The following SEMA3D variants were observed in gnomAD, a reference collection of about 807,000 sequenced individuals.
The protein encoded by SEMA3D is semaphorin 3D, also known as semaphorin-3D.
A neutral mutation model predicts 100.1 loss-of-function variants in SEMA3D; 84 were observed. That is an observed-to-expected ratio of 0.84 (90% CI 0.70 to 1.01). SEMA3D has a LOEUF of 1.01. SEMA3D is among the 50% of genes least tolerant of loss of function. The pLI is 0.00. For missense variants in SEMA3D, 875 were observed against 934.1 expected, an observed-to-expected ratio of 0.94 and a Z score of 0.82; for synonymous variants, 312 against 320.7, an observed-to-expected ratio of 0.97 and a Z score of 0.29.
At chr7:85,077,444 A>G (rs1562807957) in intron 5 of SEMA3D, among the ~76,000 whole-genome samples, 1 of 152,016 alleles carries the variant, frequency 6.6e-6, no homozygotes, top group African/African-American at 2.4e-5. Flanking sequence ...GTGTGTGTGT[A>G]TATATATTAT....
the SEMA3D span, among the ~76,000 whole-genome samples, chr7:85,225,053 TATATATATATATATATATATATATATA>T: frequency 5.8e-4 from 1 of 1,734 alleles, no homozygotes. Context: ...TTTTCTTTTA[TATATATATATATATATATATATATATA>T]TATATATATA....
At chr7:85,077,145 G>A (rs1415747031) in intron 5 of SEMA3D, among the ~76,000 whole-genome samples, 1 of 149,396 alleles carries the variant, frequency 6.7e-6, no homozygotes, top group Non-Finnish European at 1.5e-5. Flanking sequence ...TTAATAGATT[G>A]TTAATACTTC....
intron 2 of SEMA3D, among the ~76,000 whole-genome samples, chr7:85,126,808 A>AG: frequency 6.6e-6 from 1 of 152,240 alleles, no homozygotes; most frequent in Admixed American, 6.6e-5. Flanking sequence ...TTTATGTTAC[A>AG]GGGGGCTATT....
intron 5 of SEMA3D, among the ~76,000 whole-genome samples, chr7:85,080,172 T>G (rs1304964466): frequency 6.6e-6 from 1 of 152,210 alleles, no homozygotes; most frequent in Non-Finnish European, 1.5e-5. Flanking sequence ...TCATTTCAAC[T>G]ATTTTGCTTT....
intron 3 of SEMA3D, among the ~76,000 whole-genome samples, chr7:85,101,129 A>T (rs1788731026): frequency 6.6e-6 from 1 of 152,000 alleles, no homozygotes; most frequent in Non-Finnish European, 1.5e-5. Flanking sequence ...AGGTAAACAA[A>T]TATAATCTAA....
intron 9 of SEMA3D, among the ~76,000 whole-genome samples, chr7:85,045,197 CA>C (rs1360646508): frequency 6.6e-6 from 1 of 151,902 alleles, no homozygotes; most frequent in Non-Finnish European, 1.5e-5. Flanking sequence ...ATGGGTGGAA[CA>C]ATCCAGGACA....
chr7:85,087,266 C>T (rs1225291416), intron 4 of SEMA3D, among the ~76,000 whole-genome samples: 1 of 152,176 alleles, frequency 6.6e-6, no homozygotes. Flanking sequence ...ATTTTAATTG[C>T]TCTGAAATAT....
At chr7:85,231,435 CCT>C in the SEMA3D span, among the ~76,000 whole-genome samples, 1 of 137,858 alleles carries the variant, frequency 7.3e-6, no homozygotes, top group Non-Finnish European at 1.5e-5. Flanking sequence ...CCAATCTTTC[CCT>C]TTTTTTTTTT....
intron 5 of SEMA3D, among the ~76,000 whole-genome samples, chr7:85,078,297 G>A: frequency 6.6e-6 from 1 of 151,492 alleles, no homozygotes; most frequent in African/African-American, 2.4e-5. Context: ...AAGAAAAAAA[G>A]AAAGTGAGAG....
At chr7:85,173,705 T>G (rs1389043441) in intron 1 of SEMA3D, among the ~76,000 whole-genome samples, 1 of 152,174 alleles carries the variant, frequency 6.6e-6, no homozygotes, top group African/African-American at 2.4e-5. Context: ...TTTCCCTGTA[T>G]TAACCCATGT....
chr7:85,055,325 G>A (rs1791277583), intron 9 of SEMA3D, among the ~76,000 whole-genome samples: 1 of 151,812 alleles, frequency 6.6e-6, no homozygotes, highest in African/African-American at 2.4e-5. Context: ...AAGCTCCAGG[G>A]ATCAGGACAA....
rs572443813 is a variant in SEMA3D, at chr7:85,159,949, A to G, written c.-172-6210T>C. 1.4e-4 allele frequency: 142 copies of G among 984,994 alleles called. No homozygotes were observed. In the African/African-American group the frequency reaches 2.3e-3, roughly 16 times the overall value. The allele number at this position is 984,994 out of a possible 1,614,324, so 61.0% of individuals were successfully genotyped here. On this transcript the variant is annotated intron_variant, in intron 1 of 18. Coordinates refer to ENST00000284136, the MANE Select transcript of SEMA3D (RefSeq NM_001384900.1). ...TGACCAACTAGTGTTCAAGAAACACAAGCCATAAGTTCTACGGTAACTACT... is the reference window on the plus strand; with the variant it reads ...TGACCAACTAGTGTTCAAGAAACACGAGCCATAAGTTCTACGGTAACTACT...
At chr7:85,162,424 G>A (rs557932540) in intron 1 of SEMA3D, among the ~76,000 whole-genome samples, 12 of 152,268 alleles carry the variant, frequency 7.9e-5, no homozygotes, top group African/African-American at 1.9e-4. Flanking sequence ...AGCAGGTGAC[G>A]TAGATCAGGT....
intron 17 of SEMA3D, among the ~76,000 whole-genome samples, chr7:85,012,411 C>A (rs1789980152): frequency 6.6e-6 from 1 of 151,728 alleles, no homozygotes; most frequent in African/African-American, 2.4e-5. Flanking sequence ...TACACTTTTA[C>A]CAGACTTCTG....
At chr7:85,005,277 GTAAA>G (rs1367439739) in intron 18 of SEMA3D, among the ~76,000 whole-genome samples, 1 of 151,938 alleles carries the variant, frequency 6.6e-6, no homozygotes, top group African/African-American at 2.4e-5. Context: ...TTCTTGGATA[GTAAA>G]TAAATGCCTT....
chr7:85,097,790 T>C lies in SEMA3D; in HGVS notation c.312+15A>G, dbSNP rs761266787. On this transcript the variant is annotated intron_variant, in intron 4 of 18. Transcript: ENST00000284136. ...ATAAATGAATTTAACCAAATGTATATATAAATATACTGACCTTCTTAAAAT... is the reference window on the plus strand; with the variant it reads ...ATAAATGAATTTAACCAAATGTATACATAAATATACTGACCTTCTTAAAAT... The C allele has an allele frequency of 1.4e-6, 2 of 1,474,200 alleles. No individual in the cohort carries two copies. The highest frequency in any genetic ancestry group is 9.3e-7 in the Non-Finnish European group (1 of 1,074,124). The allele number at this position is 1,474,200 out of a possible 1,614,324, so 91.3% of individuals were successfully genotyped here.
intron 5 of SEMA3D, 106 bp downstream of exon 5, chr7:85,081,411 G>GA (rs1788060441): frequency 7.2e-6 from 5 of 691,302 alleles, no homozygotes; most frequent in Non-Finnish European, 1.0e-5. Context: ...AGTTTAGTCT[G>GA]AAAAATAATA....
chr7:85,037,746 C>G (rs1192149321), intron 11 of SEMA3D, among the ~76,000 whole-genome samples: 1 of 151,876 alleles, frequency 6.6e-6, no homozygotes, highest in African/African-American at 2.4e-5. Flanking sequence ...CAAAAAACTC[C>G]AAAGGAATTT....
the SEMA3D span, among the ~76,000 whole-genome samples, chr7:85,233,137 A>G: frequency 6.6e-6 from 1 of 152,138 alleles, no homozygotes; most frequent in Non-Finnish European, 1.5e-5. Context: ...TGAGGACATT[A>G]TTTTGAGGAA....
Sources: gnomAD v4.1 joint callset for allele counts (sites outside exome capture counted in the v4.1 genomes callset) on GRCh38, gnomAD v4.1.1 for gene constraint, MANE v1.5 for transcripts, NCBI Gene and HGNC (gene_info 2026-07-23, HGNC 2026-07-21) for gene names.